The following ZNF12 variants were observed in gnomAD, a reference collection of about 807,000 sequenced individuals.
The protein encoded by ZNF12 is gonadotropin inducible transcription repressor 3.
Under a neutral mutation model 66.6 loss-of-function variants are expected in ZNF12, and 34 were observed. The ratio of observed to expected loss-of-function variants is 0.51; its 90% CI spans 0.39 to 0.68. The LOEUF (loss-of-function observed/expected upper bound fraction) is 0.68, where lower values mean the gene tolerates loss of function less well. Ranked by LOEUF, ZNF12 falls within the 30% of genes least tolerant of loss-of-function variation. The pLI, the probability that ZNF12 is intolerant of heterozygous loss-of-function variation, is 0.00. For synonymous variants in ZNF12, 320 were observed against 278.9 expected, an observed-to-expected ratio of 1.15 and a Z score of -1.47; for missense variants, 697 against 826.9, an observed-to-expected ratio of 0.84 and a Z score of 1.93.
rs755165800 is a variant in ZNF12, at chr7:6,692,434, C to T, written c.508G>A (p.Gly170Arg). 5 of 1,613,150 alleles carry T rather than the reference C, an allele frequency of 3.1e-6. No individual in the cohort carries two copies. The highest frequency in any genetic ancestry group is 4.2e-6 in the Non-Finnish European group (5 of 1,179,522). ...ATATGGAGGAGTGATTTCCCACATC[C>T]ACTACATTCATCAGCTTTCATTCTT... ...YARMKADECS[G>R]CGKSLLHIKL... is the part of the protein sequence containing the mutation. The change falls in exon 5 of 5, where the codon GGA (glycine) becomes AGA (arginine). Residue 170 changes from glycine (G) to arginine (R), a missense_variant. Gly to Arg is a moderately radical substitution (Grantham distance 125, BLOSUM62 -2). Coordinates refer to ENST00000405858, the MANE Select transcript of ZNF12 (RefSeq NM_016265.4). This position sits in a 1 kb window ranked among gnomAD's most constrained non-coding sequence, Gnocchi z 5.1.
Position 6,689,479 on chromosome 7 carries a change from CGAGAAGGGG to C in ZNF12, c.*1360_*1368del, listed in dbSNP as rs1780033848. 1 of 152,216 alleles carries C rather than the reference CGAGAAGGGG, an allele frequency of 6.6e-6. No homozygotes were observed. Among genetic ancestry groups the C allele is most frequent in the South Asian group, 2.1e-4 (1 of 4,832 alleles). The allele number at this position is 152,216 out of a possible 1,614,324, so 9.4% of individuals were successfully genotyped here. ...ACCACTGTAAATCAACTGCTGGCAA[CGAGAAGGGG>C]AGTGTCACTGGTTAAAACTAATCAG... is the stretch of plus-strand genomic sequence containing the variant. On this transcript the variant is annotated 3_prime_UTR_variant, in exon 5 of 5. Transcript: ENST00000405858.
In ZNF12 at chr7:6,692,366, A is replaced by G. The variant is rs377494516; in HGVS notation, c.576T>C (p.Phe192=). The change falls in exon 5 of 5, where the codon TTT becomes TTC. Residue 192 remains phenylalanine, a synonymous_variant. Transcript: ENST00000405858. The surrounding 1 kb of genome is among the most constrained non-coding windows in gnomAD (Gnocchi z 5.1). The part of the protein sequence containing the change: ...KTHPGDQAYE[F]NQNGEPYTLN... ...GAGTATAAGGTTCCCCATTTTGATT[A>G]AATTCATAAGCTTGATCTCCTGGAT... 6 of 1,609,876 alleles carry G rather than the reference A, an allele frequency of 3.7e-6. No homozygotes were observed. In the African/African-American group the frequency reaches 8.0e-5, roughly 22 times the overall value.
In ZNF12 at chr7:6,705,972, A is replaced by G. The variant is rs975008874; in HGVS notation, c.-51+460T>C. On this transcript the variant is annotated intron_variant, in intron 1 of 4. Coordinates refer to ENST00000405858, the MANE Select transcript of ZNF12 (RefSeq NM_016265.4). The surrounding 1 kb of genome is among the most constrained non-coding windows in gnomAD (Gnocchi z 4.0). ...ACACTGGCCTGGGAGATAAAACTCC[A>G]GAGTTCTACTATGAGCAACTCCACC... 2.0e-5 allele frequency among the ~76,000 whole-genome samples: 3 copies of G among 152,184 alleles called. No individual in the cohort carries two copies. The highest frequency in any genetic ancestry group is 4.4e-5 in the Non-Finnish European group (3 of 68,036).
rs1373354145 is a variant in ZNF12 at position 6,691,369 on chromosome 7, C to T, written c.1573G>A (p.Glu525Lys). ...TTCTGGTAGAAGGTTTTCCCACATT[C>T]ACTACATTCATAGGGTTTTACTCCT... ...HSGVKPYECS[E>K]CGKTFYQNSA... Residue 525 changes from glutamate to lysine, a missense_variant, in exon 5 of 5, where the codon GAA becomes AAA. Coordinates refer to ENST00000405858, the MANE Select transcript of ZNF12 (RefSeq NM_016265.4). The T allele has an allele frequency of 1.2e-6, 2 of 1,613,992 alleles. No homozygotes were observed. The highest frequency in any genetic ancestry group is 8.5e-7 in the Non-Finnish European group (1 of 1,179,896).
intron 1 of ZNF12, 115 bp downstream of exon 1, chr7:6,706,317 C>T: frequency 2.3e-6 from 1 of 441,122 alleles, no homozygotes; most frequent in South Asian, 1.6e-5. Context: ...AACCCAAACA[C>T]ACGTCACTCC....
chr7:6,697,946 C>T lies in ZNF12; in HGVS notation c.16-135G>A. 9.4e-7 allele frequency: 1 copy of T among 1,062,616 alleles called. No individual in the cohort carries two copies. Among genetic ancestry groups the T allele is most frequent in the Non-Finnish European group, 1.4e-6 (1 of 689,840 alleles). 65.8% of individuals were successfully genotyped at this position (1,062,616 alleles called of 1,614,324 possible). ...TATGTTACAGACTGTCAAAGGGAAA[C>T]AAACATATCAGAAATACACTGTTCT... is the stretch of plus-strand genomic sequence containing the variant. On this transcript the variant is annotated intron_variant, in intron 2 of 4. Transcript: ENST00000405858. This position sits in a 1 kb window ranked among gnomAD's most constrained non-coding sequence, Gnocchi z 6.1.
chr7:6,691,151 T>G lies in ZNF12; in HGVS notation c.1791A>C (p.Arg597Ser). The G allele has an allele frequency of 3.7e-6, 6 of 1,614,100 alleles. No homozygotes were observed. The highest frequency in any genetic ancestry group is 5.1e-6 in the Non-Finnish European group (6 of 1,180,000). Residue 597 changes from arginine (R) to serine (S), a missense_variant, in exon 5 of 5, where the codon AGA becomes AGC. Arg to Ser is a moderately radical substitution (Grantham distance 110). Coordinates refer to ENST00000405858, the MANE Select transcript of ZNF12 (RefSeq NM_016265.4). ...CQNSALNRHQ[R>S]THTGEKAYEC... ...CGTAGGCTTTCTCTCCTGTGTGTGT[T>G]CTCTGATGTCGATTAAGGGCTGAAT...
Position 6,692,318 on chromosome 7 carries a change from C to A in ZNF12, c.624G>T (p.Gln208His). 2 of 1,609,354 alleles carry A rather than the reference C, an allele frequency of 1.2e-6. No homozygotes were observed. ...PYTLNEESLY[Q>H]KIRILEKPFE... Reference sequence around the variant, plus strand: ...AAGGTTTCTCCAAAATACGAATTTTCTGATAAAGACTTTCTTCATTTAGAG... The same window carrying A: ...AAGGTTTCTCCAAAATACGAATTTTATGATAAAGACTTTCTTCATTTAGAG... Residue 208 changes from glutamine to histidine, a missense_variant, in exon 5 of 5, where the codon CAG becomes CAT. Around this residue, in one of 3 missense-constraint regions of ZNF12, gnomAD observed 241 missense variants for 224.0 expected, o/e 1.08. Coordinates refer to ENST00000405858, the MANE Select transcript of ZNF12 (RefSeq NM_016265.4). The surrounding 1 kb of genome is among the most constrained non-coding windows in gnomAD (Gnocchi z 5.1).
rs752284047 is a variant in ZNF12, at chr7:6,690,879, A to G, written c.2063T>C (p.Met688Thr). Residue 688 changes from methionine (M) to threonine (T), a missense_variant, in exon 5 of 5, where the codon ATG becomes ACG. Around this residue, in one of 3 missense-constraint regions of ZNF12, gnomAD observed 401 missense variants for 519.0 expected, o/e 0.77. Coordinates refer to ENST00000405858, the MANE Select transcript of ZNF12 (RefSeq NM_016265.4). ...SHQRIHRRGNMNVIDVGRLL is the reference protein window; with the variant it reads ...SHQRIHRRGNTNVIDVGRLL Reference sequence around the variant, plus strand: ...AAGCCTTCCCACATCTATTACATTCATATTGCCTCTCCTATGAATTCTCTG... The same window carrying G: ...AAGCCTTCCCACATCTATTACATTCGTATTGCCTCTCCTATGAATTCTCTG... 1.1e-5 allele frequency: 17 copies of G among 1,613,338 alleles called. No homozygotes were observed. Among genetic ancestry groups the G allele is most frequent in the Middle Eastern group, 1.6e-4 (1 of 6,082 alleles).
Position 6,691,832 on chromosome 7 carries a change from T to C in ZNF12, c.1110A>G (p.Gln370=). The C allele has an allele frequency of 6.2e-7, 1 of 1,614,140 alleles. No individual in the cohort carries two copies. Among genetic ancestry groups the C allele is most frequent in the Non-Finnish European group, 8.5e-7 (1 of 1,179,998 alleles). The change falls in exon 5 of 5, where the codon CAA becomes CAG. Residue 370 remains glutamine (Q), a synonymous_variant. Coordinates refer to ENST00000405858, the MANE Select transcript of ZNF12 (RefSeq NM_016265.4). ...KSFCQKTHLT[Q]HQRTHSGERP... ...TCTCTCCTGAATGTGTTCTCTGATG[T>C]TGTGTGAGGTGTGTCTTCTGGCAAA...
At chr7:6,695,504 C>T (rs978742156) in intron 4 of ZNF12, among the ~76,000 whole-genome samples, 26 of 152,050 alleles carry the variant, frequency 1.7e-4, no homozygotes, top group African/African-American at 5.8e-4. Flanking sequence ...CACATTTGGC[C>T]CAGGCATGCA....
Position 6,697,546 on chromosome 7 carries a change from G to T in ZNF12, c.143-112C>A. 3.3e-6 allele frequency: 5 copies of T among 1,517,004 alleles called. No individual in the cohort carries two copies. Among genetic ancestry groups the T allele is most frequent in the Non-Finnish European group, 4.5e-6 (5 of 1,107,806 alleles). 94.0% of individuals were successfully genotyped at this position (1,517,004 alleles called of 1,614,324 possible). On this transcript the variant is annotated intron_variant, in intron 3 of 4. Transcript: ENST00000405858. The surrounding 1 kb of genome is among the most constrained non-coding windows in gnomAD (Gnocchi z 6.1). ...TATCAAAATCAGAACTTTTCACGGGGGAGATCAAGACCAAAATGCCCTGCC... is the reference window on the plus strand; with the variant it reads ...TATCAAAATCAGAACTTTTCACGGGTGAGATCAAGACCAAAATGCCCTGCC...
At position 6,691,350 on chromosome 7, in the gene ZNF12, TAGA is replaced by T. The variant is rs1340023105; in HGVS notation, c.1589_1591del (p.Phe530del). ...ATGTCTACAAAGGGCTGAGTTCTGG[TAGA>T]AGGTTTTCCCACATTCACTACATTC... On this transcript the variant is annotated inframe_deletion, in exon 5 of 5. Coordinates refer to ENST00000405858, the MANE Select transcript of ZNF12 (RefSeq NM_016265.4). 2.5e-6 allele frequency: 4 copies of T among 1,613,692 alleles called. No homozygotes were observed. The highest frequency in any genetic ancestry group is 1.7e-5 in the Admixed American group (1 of 59,992).
At position 6,691,560 on chromosome 7, in the gene ZNF12, C is replaced by G. The variant is rs900846058; in HGVS notation, c.1382G>C (p.Gly461Ala). Reference sequence around the variant, plus strand: ...TTCATTACATTCATAGGGTTTCTCTCCTGAATGAGTTCTATAATGTACAGT... The same window carrying G: ...TTCATTACATTCATAGGGTTTCTCTGCTGAATGAGTTCTATAATGTACAGT... ...YLTVHYRTHS[G>A]EKPYECNECG... The change falls in exon 5 of 5, where the codon GGA becomes GCA. Residue 461 changes from glycine to alanine, a missense_variant. Coordinates refer to ENST00000405858, the MANE Select transcript of ZNF12 (RefSeq NM_016265.4). 1 of 1,614,036 alleles carries G rather than the reference C, an allele frequency of 6.2e-7. No individual in the cohort carries two copies. Among genetic ancestry groups the G allele is most frequent in the African/African-American group, 1.3e-5 (1 of 74,922 alleles).
chr7:6,703,477 G>A (rs1427665564), intron 2 of ZNF12, among the ~76,000 whole-genome samples: 1 of 152,128 alleles, frequency 6.6e-6, no homozygotes, highest in Non-Finnish European at 1.5e-5. Context: ...TCAGAAAATG[G>A]ACAACTTTAG....
chr7:6,692,733 G>T lies in ZNF12; in HGVS notation c.239-30C>A, dbSNP rs918280636. ...AGAGAGACAAAATTAATAAACTTTT[G>T]TACATCTTCCTATATATATATGATA... On this transcript the variant is annotated intron_variant, in intron 4 of 4. Coordinates refer to ENST00000405858, the MANE Select transcript of ZNF12 (RefSeq NM_016265.4). The surrounding 1 kb of genome is among the most constrained non-coding windows in gnomAD (Gnocchi z 5.1). 1 of 1,525,184 alleles carries T rather than the reference G, an allele frequency of 6.6e-7. No individual in the cohort carries two copies. The highest frequency in any genetic ancestry group is 1.4e-5 in the African/African-American group (1 of 71,776). 94.5% of individuals were successfully genotyped at this position (1,525,184 alleles called of 1,614,324 possible).
chr7:6,702,374 C>G (rs1780262849), intron 2 of ZNF12, among the ~76,000 whole-genome samples: 1 of 150,558 alleles, frequency 6.6e-6, no homozygotes, highest in African/African-American at 2.5e-5. Flanking sequence ...AGATTCATCT[C>G]CCAAACTCCA....
At position 6,705,398 on chromosome 7, in the gene ZNF12, T is replaced by C. The variant is rs190851574; in HGVS notation, c.-50-175A>G. ...TCAGGAGGGGGACCGATCTGCACAT[T>C]TGAAACTCACACATGGCTACCTTGT... On this transcript the variant is annotated intron_variant, in intron 1 of 4. Coordinates refer to ENST00000405858, the MANE Select transcript of ZNF12 (RefSeq NM_016265.4). The surrounding 1 kb of genome is among the most constrained non-coding windows in gnomAD (Gnocchi z 4.0). Among the ~76,000 whole-genome samples the C allele has an allele frequency of 2.0e-5, 3 of 152,366 alleles. No homozygotes were observed. Among genetic ancestry groups the C allele is most frequent in the Non-Finnish European group, 2.9e-5 (2 of 68,028 alleles).
rs1053934212 is a variant in ZNF12 at position 6,698,145 on chromosome 7, C to A, written c.16-334G>T. ...CACTCACAGAACCCCAGGATGCACTCTGCTTCTTTGCACATTCTTCAATTT... is the reference window on the plus strand; with the variant it reads ...CACTCACAGAACCCCAGGATGCACTATGCTTCTTTGCACATTCTTCAATTT... On this transcript the variant is annotated intron_variant, in intron 2 of 4. Transcript: ENST00000405858. This position sits in a 1 kb window ranked among gnomAD's most constrained non-coding sequence, Gnocchi z 4.4. 5 of 496,036 alleles carry A rather than the reference C, an allele frequency of 1.0e-5. No individual in the cohort carries two copies. Among genetic ancestry groups the A allele is most frequent in the Non-Finnish European group, 1.9e-5 (5 of 260,324 alleles). The allele number at this position is 496,036 out of a possible 1,614,324, so 30.7% of individuals were successfully genotyped here.
Sources: gnomAD v4.1 joint callset for allele counts (sites outside exome capture counted in the v4.1 genomes callset) on GRCh38, gnomAD v4.1.1 for gene constraint, gnomAD v4.1.1 regional missense constraint, Gnocchi (gnomAD v3.1) non-coding constraint, MANE v1.5 for transcripts, NCBI Gene and HGNC (gene_info 2026-07-23, HGNC 2026-07-21) for gene names.